Variants in KIF6 observed in about 807,000 individuals in gnomAD.
KIF6 encodes kinesin-like protein KIF6.
Under a neutral mutation model 112.7 loss-of-function variants are expected in KIF6, and 106 were observed. That is an observed-to-expected ratio of 0.94 (90% CI 0.80 to 1.11). KIF6 has a LOEUF of 1.11. KIF6 is among the 50% of genes least tolerant of loss of function. The pLI is 0.00. For synonymous variants in KIF6, 339 were observed against 339.9 expected, an observed-to-expected ratio of 1.00 and a Z score of 0.03; for missense variants, 929 against 964.0, an observed-to-expected ratio of 0.96 and a Z score of 0.48.
chr6:39,710,162 A>G (rs1168014544), intron 3 of KIF6, among the ~76,000 whole-genome samples: 1 of 152,226 alleles, frequency 6.6e-6, no homozygotes, highest in African/African-American at 2.4e-5. Context: ...TCACTGGTGC[A>G]GTACATGTTT....
At chr6:39,660,869 A>G (rs1582391651) in intron 3 of KIF6, among the ~76,000 whole-genome samples, 1 of 152,322 alleles carries the variant, frequency 6.6e-6, no homozygotes, top group East Asian at 1.9e-4. Context: ...TTCCATAATT[A>G]TATCAAGTTT....
intron 3 of KIF6, among the ~76,000 whole-genome samples, chr6:39,642,400 C>T (rs1784953640): frequency 6.6e-6 from 1 of 152,146 alleles, no homozygotes; most frequent in African/African-American, 2.4e-5. Flanking sequence ...TCAAAAACAA[C>T]AGCCTTGAAA....
At chr6:39,626,184 G>A (rs1458601416) in intron 5 of KIF6, among the ~76,000 whole-genome samples, 6 of 152,140 alleles carry the variant, frequency 3.9e-5, no homozygotes. Flanking sequence ...AGGGCATCTT[G>A]TCACTTACTA....
At chr6:39,537,320 T>G (rs946106496) in intron 13 of KIF6, among the ~76,000 whole-genome samples, 6 of 152,106 alleles carry the variant, frequency 3.9e-5, no homozygotes, top group African/African-American at 1.4e-4. Context: ...GAAAACCCCA[T>G]TGTCTCAGCC....
intron 13 of KIF6, among the ~76,000 whole-genome samples, chr6:39,524,242 C>G (rs1777578312): frequency 6.6e-6 from 1 of 151,706 alleles, no homozygotes; most frequent in Non-Finnish European, 1.5e-5. Context: ...CTCTTGGCAT[C>G]CAAAGTAGAA....
rs550365418 is a variant in KIF6 at position 39,393,893 on chromosome 6, C to T, written c.1811-8221G>A. Among the ~76,000 whole-genome samples the T allele has an allele frequency of 3.9e-5, 6 of 151,990 alleles. No individual in the cohort carries two copies. The South Asian group carries it at 8.3e-4, about 21-fold the overall frequency. On this transcript the variant is annotated intron_variant, in intron 15 of 22. Transcript: ENST00000287152. ...AGGGAATGCCAACATTTTCACAATT[C>T]GACAGAAGCCAAGGAAGAAGAAAAA... is the stretch of plus-strand genomic sequence containing the variant.
At chr6:39,619,336 A>G (rs570113106) in intron 5 of KIF6, among the ~76,000 whole-genome samples, 1 of 152,056 alleles carries the variant, frequency 6.6e-6, no homozygotes, top group East Asian at 1.9e-4. Flanking sequence ...ATAGACTTGG[A>G]CTCTTGTAAG....
Position 39,482,008 on chromosome 6 carries a change from A to G in KIF6, c.1646-50847T>C, listed in dbSNP as rs200827247. Among the ~76,000 whole-genome samples the G allele has an allele frequency of 1.0e-3, 121 of 116,182 alleles. 3 individuals are homozygous for G. The South Asian group carries it at 0.012, about 12-fold the overall frequency. The allele number at this position is 116,182 out of a possible 152,430, so 76.2% of individuals were successfully genotyped here. A position where few individuals can be genotyped will look rare whatever the true frequency, so the allele number is the denominator to read the frequency against. On this transcript the variant is annotated intron_variant, in intron 13 of 22. Coordinates refer to ENST00000287152, the MANE Select transcript of KIF6 (RefSeq NM_145027.6). The stretch of plus-strand genomic sequence containing the variant: ...GATAAAGACAACGGGACCTTTAGGC[A>G]CACACACACACACACACACACACAC...
rs886565563 is a variant in KIF6, at chr6:39,332,285, A to G, written c.*4247T>C. The G allele has an allele frequency of 6.6e-6, 1 of 152,072 alleles. No individual in the cohort carries two copies. The highest frequency in any genetic ancestry group is 2.4e-5 in the African/African-American group (1 of 41,400). 9.4% of individuals were successfully genotyped at this position (152,072 alleles called of 1,614,324 possible). A position where few individuals can be genotyped will look rare whatever the true frequency, so the allele number is the denominator to read the frequency against. Reference sequence around the variant, plus strand: ...ATGGTTTTTTCTCCTCTCATGGCCCATATTTTCCTGCTTCTTTGCATGCCT... The same window carrying G: ...ATGGTTTTTTCTCCTCTCATGGCCCGTATTTTCCTGCTTCTTTGCATGCCT... On this transcript the variant is annotated 3_prime_UTR_variant, in exon 23 of 23. Transcript: ENST00000287152.
chr6:39,521,174 G>A (rs563320543), intron 13 of KIF6, among the ~76,000 whole-genome samples: 1 of 152,306 alleles, frequency 6.6e-6, no homozygotes, highest in Admixed American at 6.5e-5. Flanking sequence ...ACAGGATGAA[G>A]TCTGATTACA....
chr6:39,352,841 T>C (rs993738353), intron 19 of KIF6, among the ~76,000 whole-genome samples: 1 of 152,156 alleles, frequency 6.6e-6, no homozygotes, highest in African/African-American at 2.4e-5. Context: ...TGACCTCAAG[T>C]GATCCACCCA....
intron 15 of KIF6, among the ~76,000 whole-genome samples, chr6:39,404,959 A>T (rs1176465691): frequency 6.6e-6 from 1 of 150,868 alleles, no homozygotes; most frequent in Non-Finnish European, 1.5e-5. Flanking sequence ...ATTAGCATTT[A>T]ATATATATAT....
intron 3 of KIF6, among the ~76,000 whole-genome samples, chr6:39,712,857 C>T (rs904342448): frequency 4.6e-5 from 7 of 152,074 alleles, no homozygotes; most frequent in Non-Finnish European, 7.4e-5. Context: ...ATGTAAATGA[C>T]GAGTTAATGG....
At chr6:39,602,323 T>A (rs558210164) in intron 6 of KIF6, among the ~76,000 whole-genome samples, 4 of 152,232 alleles carry the variant, frequency 2.6e-5, no homozygotes, top group African/African-American at 9.6e-5. Context: ...ATATCTGCAG[T>A]CTATGGTTAA....
intron 15 of KIF6, among the ~76,000 whole-genome samples, chr6:39,411,667 A>G (rs1769484337): frequency 6.6e-6 from 1 of 152,204 alleles, no homozygotes; most frequent in South Asian, 2.1e-4. Flanking sequence ...CTGTCCAGAG[A>G]AGGCAGGGAT....
At chr6:39,680,758 T>C (rs1009979109) in intron 3 of KIF6, among the ~76,000 whole-genome samples, 3 of 152,186 alleles carry the variant, frequency 2.0e-5, no homozygotes, top group African/African-American at 7.2e-5. Flanking sequence ...GTTATAAAAG[T>C]AAGGCAATAA....
chr6:39,664,774 C>T (rs1013532354), intron 3 of KIF6, among the ~76,000 whole-genome samples: 1 of 152,228 alleles, frequency 6.6e-6, no homozygotes, highest in African/African-American at 2.4e-5. Context: ...GGGAGTCAAT[C>T]ATAATCCCCA....
chr6:39,435,914 G>A (rs959590514), intron 13 of KIF6, among the ~76,000 whole-genome samples: 6 of 152,122 alleles, frequency 3.9e-5, no homozygotes, highest in Admixed American at 1.3e-4. Context: ...GTAGATTTAC[G>A]TTTAGTTCTT....
At chr6:39,653,201 A>T (rs1293838650) in intron 3 of KIF6, among the ~76,000 whole-genome samples, 1 of 152,186 alleles carries the variant, frequency 6.6e-6, no homozygotes, top group Non-Finnish European at 1.5e-5. Context: ...GATTTGCAAT[A>T]CTTTCCTCTG....
Sources: allele counts gnomAD v4.1 joint callset (sites outside exome capture counted in the v4.1 genomes callset), GRCh38; gene constraint gnomAD v4.1.1; transcripts MANE v1.5; gene names NCBI Gene and HGNC (gene_info 2026-07-23, HGNC 2026-07-21).